The following CELF5 variants were observed in gnomAD, a reference collection of about 807,000 sequenced individuals.
CELF5 encodes the protein CUG-BP and ETR-3 like factor 5.
In CELF5, 6 loss-of-function variants were observed where a neutral mutation model predicts 54.9. The ratio of observed to expected loss-of-function variants is 0.11; its 90% CI spans 0.06 to 0.22. CELF5 has a LOEUF of 0.22. CELF5 is among the 10% of genes least tolerant of loss of function. The probability of loss-of-function intolerance (pLI) is 1.00; values close to 1 mark genes in which losing one functional copy is unlikely to be tolerated. For missense variants in CELF5, 401 were observed against 678.6 expected (o/e 0.59, Z 4.54); for synonymous variants, 271 against 290.9 (o/e 0.93, Z 0.70).
chr19:3,281,082 C>T lies in CELF5; in HGVS notation c.604-117C>T. 8.0e-7 allele frequency: 1 copy of T among 1,246,594 alleles called. No homozygotes were observed. The highest frequency in any genetic ancestry group is 1.1e-6 in the Non-Finnish European group (1 of 887,432). The allele number at this position is 1,246,594 out of a possible 1,614,324, so 77.2% of individuals were successfully genotyped here. On this transcript the variant is annotated intron_variant, in intron 5 of 12. Coordinates refer to ENST00000292672, the MANE Select transcript of CELF5 (RefSeq NM_021938.4). The surrounding 1 kb of genome is among the most constrained non-coding windows in gnomAD (Gnocchi z 6.5). ...GGTGGGGGCCCGTGGACATGGCTGA[C>T]AGCCACTGGCATTACACCCCTCACC...
intron 2 of CELF5, among the ~76,000 whole-genome samples, chr19:3,262,409 A>G (rs1407756397): frequency 6.6e-6 from 1 of 152,178 alleles, no homozygotes; most frequent in Non-Finnish European, 1.5e-5. Flanking sequence ...AATGGCTACA[A>G]TATCGGACAG....
intron 1 of CELF5, among the ~76,000 whole-genome samples, chr19:3,243,037 T>C (rs1300808447): frequency 6.6e-6 from 1 of 152,146 alleles, no homozygotes; most frequent in East Asian, 1.9e-4. Flanking sequence ...GGCAAGCCAC[T>C]TCCCCTCTCT....
intron 2 of CELF5, among the ~76,000 whole-genome samples, chr19:3,256,068 A>G (rs2079721164): frequency 6.6e-6 from 1 of 151,928 alleles, no homozygotes; most frequent in African/African-American, 2.4e-5. Context: ...CTGTCTCAAA[A>G]AAAAAGGAAA....
At chr19:3,241,213 C>A (rs1313083231) in intron 1 of CELF5, among the ~76,000 whole-genome samples, 1 of 151,716 alleles carries the variant, frequency 6.6e-6, no homozygotes, top group Non-Finnish European at 1.5e-5. Flanking sequence ...AGGCACGAAC[C>A]ACCACGCACA....
chr19:3,250,214 T>C (rs2079629048), intron 1 of CELF5, among the ~76,000 whole-genome samples: 2 of 152,230 alleles, frequency 1.3e-5, no homozygotes, highest in South Asian at 2.1e-4. Context: ...TCAGGCCGGG[T>C]GCGGTGGCTC....
At chr19:3,262,165 G>C (rs1461072216) in intron 2 of CELF5, among the ~76,000 whole-genome samples, 1 of 152,012 alleles carries the variant, frequency 6.6e-6, no homozygotes, top group African/African-American at 2.4e-5. Context: ...CTCCCGAGTA[G>C]CTGGGATTAC....
intron 1 of CELF5, among the ~76,000 whole-genome samples, chr19:3,242,298 C>G (rs2079501867): frequency 6.6e-6 from 1 of 152,128 alleles, no homozygotes; most frequent in Admixed American, 6.6e-5. Flanking sequence ...CTTTGGGAGG[C>G]TGAGGCGGGC....
rs1044748950 is a variant in CELF5, at chr19:3,228,546, G to A, written c.259+3548G>A. ...ACTGGGCCCCCCGTTTATGGTAATCGCATATACATTTGCATGTTAATGACA... is the reference window on the plus strand; with the variant it reads ...ACTGGGCCCCCCGTTTATGGTAATCACATATACATTTGCATGTTAATGACA... On this transcript the variant is annotated intron_variant, in intron 1 of 12. Transcript: ENST00000292672. The surrounding 1 kb of genome is among the most constrained non-coding windows in gnomAD (Gnocchi z 6.0). Among the ~76,000 whole-genome samples, 11 of 151,748 alleles carry A rather than the reference G, an allele frequency of 7.2e-5. No homozygotes were observed. Among genetic ancestry groups the A allele is most frequent in the African/African-American group, 2.7e-4 (11 of 41,384 alleles).
At chr19:3,272,700 AC>A (rs1206095795) in intron 2 of CELF5, among the ~76,000 whole-genome samples, 1 of 152,168 alleles carries the variant, frequency 6.6e-6, no homozygotes, top group East Asian at 1.9e-4. Context: ...ACAGAGCAAG[AC>A]ATAGACACTT....
chr19:3,254,109 T>C (rs1482696642), intron 2 of CELF5, among the ~76,000 whole-genome samples: 1 of 152,114 alleles, frequency 6.6e-6, no homozygotes, highest in Non-Finnish European at 1.5e-5. Flanking sequence ...CTCATGCCCT[T>C]CTTGCCAGGC....
chr19:3,262,890 G>C (rs928764269), intron 2 of CELF5, among the ~76,000 whole-genome samples: 2 of 152,044 alleles, frequency 1.3e-5, no homozygotes, highest in African/African-American at 4.8e-5. Flanking sequence ...AGTGAGTGGA[G>C]ATCACGCCAT....
chr19:3,252,616 G>A (rs1005682910), intron 2 of CELF5, among the ~76,000 whole-genome samples: 3 of 152,106 alleles, frequency 2.0e-5, no homozygotes, highest in African/African-American at 7.2e-5. Flanking sequence ...AATCTGACGT[G>A]CGCCTTCCAG....
chr19:3,230,880 C>T (rs1917221813), intron 1 of CELF5, among the ~76,000 whole-genome samples: 1 of 152,180 alleles, frequency 6.6e-6, no homozygotes, highest in East Asian at 1.9e-4. Context: ...ACCAAGTTCC[C>T]CTCCTCCATG....
At chr19:3,284,246 C>T (rs2080197717) in intron 8 of CELF5, among the ~76,000 whole-genome samples, 1 of 152,060 alleles carries the variant, frequency 6.6e-6, no homozygotes, top group Non-Finnish European at 1.5e-5. Flanking sequence ...TTGTGGATCT[C>T]CCACAGTGAA....
intron 1 of CELF5, among the ~76,000 whole-genome samples, chr19:3,246,652 G>T (rs1440744589): frequency 1.3e-5 from 2 of 152,046 alleles, no homozygotes; most frequent in Non-Finnish European, 2.9e-5. Flanking sequence ...GGTGGAAGCT[G>T]CAGTGAGCTG....
At chr19:3,273,049 A>C (rs968708488) in intron 2 of CELF5, among the ~76,000 whole-genome samples, 2 of 151,964 alleles carry the variant, frequency 1.3e-5, no homozygotes, top group African/African-American at 4.8e-5. Context: ...AGGCTGGTCC[A>C]CTCAGGTATG....
chr19:3,287,824 G>A (rs761975284), intron 10 of CELF5, among the ~76,000 whole-genome samples: 17 of 151,274 alleles, frequency 1.1e-4, no homozygotes, highest in South Asian at 2.1e-4. Context: ...AGATGGGAAC[G>A]TAGTAGAAAT....
At chr19:3,229,745 A>G (rs1215242041) in intron 1 of CELF5, among the ~76,000 whole-genome samples, 1 of 152,198 alleles carries the variant, frequency 6.6e-6, no homozygotes, top group African/African-American at 2.4e-5. Context: ...CGGGCTTGTT[A>G]CATGACTACG....
rs770017532 is a variant in CELF5, at chr19:3,278,421, ATGTG to A, written c.603+320_603+323del. On this transcript the variant is annotated intron_variant, in intron 5 of 12. Transcript: ENST00000292672. This position sits in a 1 kb window ranked among gnomAD's most constrained non-coding sequence, Gnocchi z 4.5. The stretch of plus-strand genomic sequence containing the variant: ...TGTGAGTGTGCCCGAGACTGCATGC[ATGTG>A]TGTGTGTGAGTGCGTGTTTGAGTGT... Among the ~76,000 whole-genome samples, 6 of 151,216 alleles carry A rather than the reference ATGTG, an allele frequency of 4.0e-5. No individual in the cohort carries two copies. Among genetic ancestry groups the A allele is most frequent in the East Asian group, 3.9e-4 (2 of 5,160 alleles).
Sources: gnomAD v4.1 joint callset for allele counts (sites outside exome capture counted in the v4.1 genomes callset) on GRCh38, gnomAD v4.1.1 for gene constraint, Gnocchi (gnomAD v3.1) non-coding constraint, MANE v1.5 for transcripts, NCBI Gene and HGNC (gene_info 2026-07-23, HGNC 2026-07-21) for gene names.